SEC24A: variants seen among roughly 807,000 people sequenced by gnomAD.
SEC24A encodes protein transport protein Sec24A.
SEC24A carries 93 observed loss-of-function variants against 129.4 expected under a neutral mutation model. The observed-to-expected ratio is 0.72, with a 90% confidence interval of 0.61 to 0.85. SEC24A has a LOEUF of 0.85. Among genes scored for constraint, SEC24A ranks in the 40% least tolerant of loss-of-function variants. The pLI is 0.00. For synonymous variants in SEC24A, 460 were observed against 467.3 expected (o/e 0.98, Z 0.20); for missense variants, 1,264 against 1,307.4 (o/e 0.97, Z 0.51).
At position 134,725,131 on chromosome 5, in the gene SEC24A, C is replaced by G. The variant is rs1280647651; in HGVS notation, c.*37C>G. On this transcript the variant is annotated 3_prime_UTR_variant, in exon 23 of 23. Transcript: ENST00000398844. ...AATTTGACTTATTTTTAAGGAATGT[C>G]ACGATAGTGCAGAATACCTGGAAAT... 1.1e-5 allele frequency: 11 copies of G among 1,010,690 alleles called. No homozygotes were observed. Among genetic ancestry groups the G allele is most frequent in the Non-Finnish European group, 1.6e-5 (10 of 640,516 alleles). The allele number at this position is 1,010,690 out of a possible 1,614,324, so 62.6% of individuals were successfully genotyped here.
intron 19 of SEC24A, among the ~76,000 whole-genome samples, 158 bp downstream of exon 19, chr5:134,715,319 A>G (rs1013998116): frequency 1.3e-5 from 2 of 152,146 alleles, no homozygotes; most frequent in Admixed American, 6.6e-5. Flanking sequence ...AAATTTTAGT[A>G]TAGGGAAGCT....
intron 8 of SEC24A, 108 bp downstream of exon 8, chr5:134,679,836 G>A: frequency 1.4e-6 from 1 of 734,306 alleles, no homozygotes; most frequent in Non-Finnish European, 1.9e-6. Flanking sequence ...TTTACCTCTA[G>A]TCAATCCTTC....
In SEC24A at chr5:134,725,622, A is replaced by T. The variant is rs1752740616; in HGVS notation, c.*528A>T. 1 of 144,092 alleles carries T rather than the reference A, an allele frequency of 6.9e-6. No individual in the cohort carries two copies. The highest frequency in any genetic ancestry group is 1.5e-5 in the Non-Finnish European group (1 of 66,882). 8.9% of individuals were successfully genotyped at this position (144,092 alleles called of 1,614,324 possible). On this transcript the variant is annotated 3_prime_UTR_variant, in exon 23 of 23. Transcript: ENST00000398844. ...CTTTTTTTTTTCTTTGTTAAGGGAA[A>T]GGATCATGTTGACTAAAACTAAACT... is the stretch of plus-strand genomic sequence containing the variant.
chr5:134,714,997 G>T, intron 18 of SEC24A, 27 bp from the exon 19 acceptor site: 1 of 1,600,622 alleles, frequency 6.2e-7, no homozygotes, highest in East Asian at 2.3e-5. Flanking sequence ...ATATTCTTTT[G>T]TGGGGAATGG....
chr5:134,656,549 T>G (rs1188396259), intron 1 of SEC24A, among the ~76,000 whole-genome samples: 1 of 152,084 alleles, frequency 6.6e-6, no homozygotes, highest in African/African-American at 2.4e-5. Flanking sequence ...TGGCACGATA[T>G]CCGCTCATTG....
chr5:134,721,604 G>A (rs1185042489), intron 21 of SEC24A, among the ~76,000 whole-genome samples: 2 of 151,812 alleles, frequency 1.3e-5, no homozygotes, highest in African/African-American at 4.8e-5. Flanking sequence ...AGGCGTGGTG[G>A]CTCACACTGG....
At position 134,665,324 on chromosome 5, in the gene SEC24A, C is replaced by T. The variant is rs1035159234; in HGVS notation, c.566-1499C>T. On this transcript the variant is annotated intron_variant, in intron 2 of 22. Transcript: ENST00000398844. ...CAAAAATTAGCCGGGCGTGGTGGCG[C>T]GCACTTGTGGACCCAGCTGCTGCCG... is the stretch of plus-strand genomic sequence containing the variant. Among the ~76,000 whole-genome samples, 12 of 150,798 alleles carry T rather than the reference C, an allele frequency of 8.0e-5. No individual in the cohort carries two copies. In the East Asian group the frequency reaches 2.1e-3, roughly 26 times the overall value.
At chr5:134,656,230 G>GT (rs1170496413) in intron 1 of SEC24A, among the ~76,000 whole-genome samples, 1 of 151,692 alleles carries the variant, frequency 6.6e-6, no homozygotes, top group Non-Finnish European at 1.5e-5. Flanking sequence ...CCACCGGCAT[G>GT]TGCCACCACA....
chr5:134,657,846 G>A (rs1027098157), intron 1 of SEC24A, among the ~76,000 whole-genome samples: 1 of 152,052 alleles, frequency 6.6e-6, no homozygotes, highest in Admixed American at 6.6e-5. Context: ...CAAAGTGCTC[G>A]GATTACAAGA....
At chr5:134,717,089 G>T (rs1013618608) in intron 19 of SEC24A, among the ~76,000 whole-genome samples, 1 of 151,536 alleles carries the variant, frequency 6.6e-6, no homozygotes, top group Non-Finnish European at 1.5e-5. Flanking sequence ...ATGTTCTTAA[G>T]GCTGGTTTCA....
chr5:134,656,040 A>G (rs934280929), intron 1 of SEC24A, among the ~76,000 whole-genome samples: 1 of 147,984 alleles, frequency 6.8e-6, no homozygotes, highest in African/African-American at 2.5e-5. Flanking sequence ...TCCCATAATT[A>G]TATCTTAAGG....
At chr5:134,660,891 TA>T (rs1176349980) in intron 1 of SEC24A, among the ~76,000 whole-genome samples, 1 of 152,170 alleles carries the variant, frequency 6.6e-6, no homozygotes, top group Non-Finnish European at 1.5e-5. Flanking sequence ...CTGTTATGAC[TA>T]ATTATGTTTG....
At chr5:134,663,651 C>T (rs898171530) in intron 2 of SEC24A, among the ~76,000 whole-genome samples, 3 of 151,846 alleles carry the variant, frequency 2.0e-5, no homozygotes, top group African/African-American at 7.3e-5. Flanking sequence ...TAGCAAGACC[C>T]CATCTCTATT....
At chr5:134,662,015 GA>G in intron 2 of SEC24A, among the ~76,000 whole-genome samples, 1 of 151,834 alleles carries the variant, frequency 6.6e-6, no homozygotes, top group African/African-American at 2.4e-5. Flanking sequence ...ATTTTTAGTA[GA>G]GATGGGGTTT....
At chr5:134,707,169 G>C (rs756271956) in intron 17 of SEC24A, among the ~76,000 whole-genome samples, 1 of 151,998 alleles carries the variant, frequency 6.6e-6, no homozygotes, top group Non-Finnish European at 1.5e-5. Context: ...ACTTAATTCT[G>C]TCTGTATCAG....
At chr5:134,708,667 A>C in intron 17 of SEC24A, 46 bp from the exon 18 acceptor site, 1 of 1,546,758 alleles carries the variant, frequency 6.5e-7, no homozygotes, top group Non-Finnish European at 8.8e-7. Context: ...GGACTAGCTA[A>C]ACTTCTATCA....
At chr5:134,708,051 C>A (rs1460316770) in intron 17 of SEC24A, among the ~76,000 whole-genome samples, 1 of 151,964 alleles carries the variant, frequency 6.6e-6, no homozygotes, top group African/African-American at 2.4e-5. Context: ...ATTGCTTGAA[C>A]CTGGGAGGCG....
At position 134,679,673 on chromosome 5, in the gene SEC24A, C is replaced by T. The variant is rs1239767547; in HGVS notation, c.1326C>T (p.Val442=). The T allele has an allele frequency of 6.2e-7, 1 of 1,601,270 alleles. No homozygotes were observed. The highest frequency in any genetic ancestry group is 8.5e-7 in the Non-Finnish European group (1 of 1,171,622). ...RSCRTYINPF[V]SFLDQRRWKC... ...GCAGGACGTACATCAATCCTTTCGT[C>T]AGCTTTCTTGATCAAAGGAGATGGA... Residue 442 remains valine (V), a synonymous_variant, in exon 8 of 23, where the codon GTC becomes GTT. Coordinates refer to ENST00000398844, the MANE Select transcript of SEC24A (RefSeq NM_021982.3).
intron 4 of SEC24A, among the ~76,000 whole-genome samples, chr5:134,673,973 A>C (rs1233983155): frequency 6.6e-6 from 1 of 151,982 alleles, no homozygotes; most frequent in Non-Finnish European, 1.5e-5. Context: ...ATCTCTACTA[A>C]AAATACAAAA....
Sources: gnomAD v4.1 joint callset for allele counts (sites outside exome capture counted in the v4.1 genomes callset) on GRCh38, gnomAD v4.1.1 for gene constraint, MANE v1.5 for transcripts, NCBI Gene and HGNC (gene_info 2026-07-23, HGNC 2026-07-21) for gene names.